Variants in PKP4 observed in about 807,000 individuals in gnomAD.
PKP4 encodes plakophilin 4, also known as plakophilin-4.
In PKP4, 90 loss-of-function variants were observed where a neutral mutation model predicts 145.1. The observed-to-expected ratio is 0.62, with a 90% confidence interval of 0.52 to 0.74. PKP4 has a LOEUF of 0.74. Among genes scored for constraint, PKP4 ranks in the 30% least tolerant of loss-of-function variants. The pLI is 0.00. For missense variants in PKP4, 1,340 were observed against 1,482.7 expected, an observed-to-expected ratio of 0.90 and a Z score of 1.58; for synonymous variants, 563 against 577.2, an observed-to-expected ratio of 0.98 and a Z score of 0.35.
intron 3 of PKP4, among the ~76,000 whole-genome samples, chr2:158,601,429 T>G (rs1270334934): frequency 2.0e-5 from 3 of 152,150 alleles, no homozygotes; most frequent in African/African-American, 7.2e-5. Flanking sequence ...GAAACTAATT[T>G]AGATAATAGA....
intron 11 of PKP4, among the ~76,000 whole-genome samples, chr2:158,656,710 T>A (rs1003435161): frequency 6.6e-6 from 1 of 152,132 alleles, no homozygotes; most frequent in African/African-American, 2.4e-5. Context: ...GACCATTCCC[T>A]CCACAGCACA....
chr2:158,459,708 T>A (rs1240384430), intron 1 of PKP4, among the ~76,000 whole-genome samples: 1 of 152,102 alleles, frequency 6.6e-6, no homozygotes, highest in African/African-American at 2.4e-5. Context: ...CTTTTTTGAC[T>A]TGATGTCAAG....
chr2:158,628,411 T>C (rs535569387), intron 7 of PKP4, among the ~76,000 whole-genome samples: 6 of 152,346 alleles, frequency 3.9e-5, no homozygotes, highest in Admixed American at 2.6e-4. Flanking sequence ...ACTGTAATTT[T>C]TTAAAATGCT....
At chr2:158,537,250 A>G (rs967466577) in intron 2 of PKP4, among the ~76,000 whole-genome samples, 3 of 152,224 alleles carry the variant, frequency 2.0e-5, no homozygotes, top group African/African-American at 7.2e-5. Flanking sequence ...TTTAAATTCA[A>G]TCTTTGCATA....
intron 3 of PKP4, among the ~76,000 whole-genome samples, chr2:158,585,365 G>C (rs190868198): frequency 6.6e-6 from 1 of 152,124 alleles, no homozygotes; most frequent in Non-Finnish European, 1.5e-5. Flanking sequence ...CTTAAGAAAA[G>C]AACTGGTTTA....
intron 2 of PKP4, among the ~76,000 whole-genome samples, chr2:158,545,856 C>G (rs1390178196): frequency 6.6e-6 from 1 of 152,122 alleles, no homozygotes; most frequent in Non-Finnish European, 1.5e-5. Flanking sequence ...GACTCAATTT[C>G]TCTTGCATAT....
intron 2 of PKP4, among the ~76,000 whole-genome samples, chr2:158,565,291 A>G (rs755205534): frequency 2.0e-5 from 3 of 152,222 alleles, no homozygotes; most frequent in Non-Finnish European, 4.4e-5. Context: ...ATAAGCAAAT[A>G]TATTTCTTCA....
rs371890989 is a variant in PKP4 at position 158,657,756 on chromosome 2, T to A, written c.1910-375T>A. ...ACATTAAATGTAAAATACAATGCAA[T>A]GAATAGCAGTTTTGTAAAAATCACA... On this transcript the variant is annotated intron_variant, in intron 11 of 21. Transcript: ENST00000389759. 1.3e-4 allele frequency among the ~76,000 whole-genome samples: 20 copies of A among 152,310 alleles called. 2 individuals are homozygous for A. Among genetic ancestry groups the A allele is most frequent in the South Asian group, 1.2e-3 (6 of 4,826 alleles).
chr2:158,489,142 C>T (rs1404752969), intron 1 of PKP4, among the ~76,000 whole-genome samples: 4 of 152,142 alleles, frequency 2.6e-5, no homozygotes, highest in African/African-American at 9.7e-5. Context: ...AGTTCATCCA[C>T]ATACAGTAGA....
In PKP4 at chr2:158,654,785, T is replaced by A. The variant is rs2055755030; in HGVS notation, c.1910-3346T>A. Among the ~76,000 whole-genome samples the A allele has an allele frequency of 2.0e-5, 3 of 152,106 alleles. No individual in the cohort carries two copies. In the South Asian group the frequency reaches 6.2e-4, roughly 32 times the overall value. ...GGGGAGGTAATAATAATAATACTTA[T>A]AAGCCAAGTCTGATAGGTAGGAAAT... On this transcript the variant is annotated intron_variant, in intron 11 of 21. Transcript: ENST00000389759.
At chr2:158,639,631 G>A (rs1222196889) in intron 9 of PKP4, among the ~76,000 whole-genome samples, 1 of 151,812 alleles carries the variant, frequency 6.6e-6, no homozygotes, top group African/African-American at 2.4e-5. Flanking sequence ...CATAATATAA[G>A]CACAAACTCA....
intron 2 of PKP4, among the ~76,000 whole-genome samples, chr2:158,553,254 G>A (rs76635210): frequency 0.2 from 29,738 of 152,190 alleles, 3,790 homozygotes; most frequent in Middle Eastern, 0.35. Flanking sequence ...GGTAAAATTA[G>A]GAGATTCACT....
intron 1 of PKP4, among the ~76,000 whole-genome samples, chr2:158,476,878 C>T (rs927186204): frequency 2.4e-4 from 36 of 152,110 alleles, no homozygotes; most frequent in African/African-American, 6.5e-4. Context: ...TTTTTATTTT[C>T]TAAGCCTCTG....
chr2:158,472,675 G>A (rs75455899), intron 1 of PKP4, among the ~76,000 whole-genome samples: 16,698 of 147,134 alleles, frequency 0.11, 1,214 homozygotes, highest in Non-Finnish European at 0.15. Context: ...CAGTTTTTAT[G>A]TCTTTTCAAC....
At chr2:158,637,343 C>A (rs11886283) in intron 9 of PKP4, among the ~76,000 whole-genome samples, 4,511 of 152,254 alleles carry the variant, frequency 0.03, 197 homozygotes, top group East Asian at 0.18. Flanking sequence ...TCACGTGGTA[C>A]CTGTTCAGCC....
At chr2:158,624,853 C>G in intron 6 of PKP4, 25 bp from the exon 7 acceptor site, 2 of 1,540,070 alleles carry the variant, frequency 1.3e-6, no homozygotes, top group Non-Finnish European at 1.8e-6. Context: ...TAAACCCATT[C>G]TCTTTTTTCC....
chr2:158,504,625 T>C (rs1483681740), intron 1 of PKP4, among the ~76,000 whole-genome samples: 2 of 152,190 alleles, frequency 1.3e-5, no homozygotes, highest in African/African-American at 4.8e-5. Flanking sequence ...CTTTGAGGGT[T>C]GATTCAGGTT....
chr2:158,596,672 T>C (rs2049778062), intron 3 of PKP4, among the ~76,000 whole-genome samples: 1 of 151,660 alleles, frequency 6.6e-6, no homozygotes, highest in Admixed American at 6.6e-5. Flanking sequence ...TAAAAAACTA[T>C]GGTGTGACAG....
At chr2:158,611,881 C>T (rs577299907) in intron 4 of PKP4, among the ~76,000 whole-genome samples, 3 of 152,176 alleles carry the variant, frequency 2.0e-5, no homozygotes, top group African/African-American at 7.2e-5. Context: ...GTTTCTCTCC[C>T]TTATTTTCTA....
Sources: gnomAD v4.1 joint callset for allele counts (sites outside exome capture counted in the v4.1 genomes callset) on GRCh38, gnomAD v4.1.1 for gene constraint, MANE v1.5 for transcripts, NCBI Gene and HGNC (gene_info 2026-07-23, HGNC 2026-07-21) for gene names.